SPTLC3: variants seen among roughly 807,000 people sequenced by gnomAD.
SPTLC3 encodes the protein serine palmitoyltransferase 3.
In SPTLC3, 36 loss-of-function variants were observed where a neutral mutation model predicts 59.3. That is an observed-to-expected ratio of 0.61 (90% CI 0.47 to 0.80). The LOEUF is 0.80. Among genes scored for constraint, SPTLC3 ranks in the 30% least tolerant of loss-of-function variants. The pLI, the probability that SPTLC3 is intolerant of heterozygous loss-of-function variation, is 0.00. For missense variants in SPTLC3, 625 were observed against 685.1 expected, an observed-to-expected ratio of 0.91 and a Z score of 0.98; for synonymous variants, 257 against 240.8, an observed-to-expected ratio of 1.07 and a Z score of -0.62.
At chr20:13,144,507 G>C (rs2038459820) in intron 9 of SPTLC3, among the ~76,000 whole-genome samples, 1 of 152,208 alleles carries the variant, frequency 6.6e-6, no homozygotes. Flanking sequence ...TATAGATATA[G>C]AGGCAGATAG....
chr20:13,142,348 GGAGTGGT>G (rs1395796162), intron 9 of SPTLC3, among the ~76,000 whole-genome samples: 1 of 152,172 alleles, frequency 6.6e-6, no homozygotes, highest in Non-Finnish European at 1.5e-5. Flanking sequence ...CTGAGATGGG[GGAGTGGT>G]GATGTAATAC....
intron 6 of SPTLC3, among the ~76,000 whole-genome samples, chr20:13,105,859 T>G (rs939424429): frequency 2.0e-5 from 3 of 152,162 alleles, no homozygotes; most frequent in African/African-American, 7.2e-5. Context: ...TAAAATATTA[T>G]AGACATAATA....
chr20:13,023,835 A>G (rs1411979261), intron 1 of SPTLC3, among the ~76,000 whole-genome samples: 1 of 152,184 alleles, frequency 6.6e-6, no homozygotes, highest in Admixed American at 6.5e-5. Context: ...GAAATAAAAT[A>G]TTATTAATTC....
chr20:13,098,895 A>G (rs548057081), intron 6 of SPTLC3, among the ~76,000 whole-genome samples: 15 of 152,268 alleles, frequency 9.9e-5, no homozygotes, highest in Admixed American at 2.6e-4. Context: ...GCCCTTCCCA[A>G]CTAATTGAGA....
chr20:13,036,607 G>C lies in SPTLC3; in HGVS notation c.118-12338G>C, dbSNP rs573031487. 9.2e-5 allele frequency among the ~76,000 whole-genome samples: 14 copies of C among 152,154 alleles called. No individual in the cohort carries two copies. In the East Asian group the frequency reaches 2.7e-3, roughly 29 times the overall value. ...GTAGGCTATTAGCAGTTAAGTTTTT[G>C]GAAAGTTTAAAGTTACACATAGATT... On this transcript the variant is annotated intron_variant, in intron 1 of 11. Coordinates refer to ENST00000399002, the MANE Select transcript of SPTLC3 (RefSeq NM_018327.4).
intron 2 of SPTLC3, 196 bp downstream of exon 2, chr20:13,049,326 G>A: frequency 1.7e-6 from 1 of 589,692 alleles, no homozygotes; most frequent in Non-Finnish European, 3.1e-6. Flanking sequence ...CATCTCATGG[G>A]CAACTACTAT....
chr20:13,117,325 A>G (rs1281582658), intron 7 of SPTLC3, among the ~76,000 whole-genome samples, 181 bp from the exon 8 acceptor site: 2 of 152,258 alleles, frequency 1.3e-5, no homozygotes, highest in Admixed American at 6.5e-5. Flanking sequence ...TCCAAGTAGC[A>G]TAGAAATGCC....
intron 2 of SPTLC3, among the ~76,000 whole-genome samples, chr20:13,062,234 C>T (rs190117174): frequency 2.6e-5 from 4 of 152,282 alleles, no homozygotes; most frequent in African/African-American, 9.6e-5. Flanking sequence ...AGGCTTGGAT[C>T]TAAATATCTT....
chr20:13,091,246 T>C (rs745376961), intron 5 of SPTLC3, 39 bp downstream of exon 5: 1 of 1,602,864 alleles, frequency 6.2e-7, no homozygotes, highest in South Asian at 1.1e-5. Flanking sequence ...ACTGTATTAC[T>C]CCTAAGAACT....
intron 4 of SPTLC3, among the ~76,000 whole-genome samples, chr20:13,089,468 G>T (rs1989130991): frequency 6.6e-6 from 1 of 151,336 alleles, no homozygotes; most frequent in Non-Finnish European, 1.5e-5. Context: ...GCAGACTATT[G>T]CCATTTAAAT....
intron 5 of SPTLC3, among the ~76,000 whole-genome samples, chr20:13,093,142 G>A (rs1361304493): frequency 6.6e-6 from 1 of 152,142 alleles, no homozygotes; most frequent in Non-Finnish European, 1.5e-5. Flanking sequence ...GCCCCTACAA[G>A]TTCATAACCC....
At chr20:13,064,225 C>T (rs1349497152) in intron 2 of SPTLC3, among the ~76,000 whole-genome samples, 1 of 150,546 alleles carries the variant, frequency 6.6e-6, no homozygotes, top group Non-Finnish European at 1.5e-5. Flanking sequence ...CTAATAATTT[C>T]CCCAGTATCA....
At chr20:13,164,433 T>G in intron 11 of SPTLC3, 1 of 492,780 alleles carries the variant, frequency 2.0e-6, no homozygotes, top group South Asian at 1.6e-5. Context: ...AGACTACATA[T>G]AAGTCACTAC....
At chr20:13,077,434 T>C (rs1988687108) in intron 4 of SPTLC3, among the ~76,000 whole-genome samples, 1 of 152,084 alleles carries the variant, frequency 6.6e-6, no homozygotes, top group African/African-American at 2.4e-5. Flanking sequence ...AGACTTCACC[T>C]TTTTAAATCC....
chr20:13,067,125 A>G (rs1988253281), intron 2 of SPTLC3, among the ~76,000 whole-genome samples: 1 of 123,616 alleles, frequency 8.1e-6, no homozygotes, highest in African/African-American at 3.2e-5. Context: ...ACCTATCTTG[A>G]GTGACTGTAG....
At chr20:13,054,222 T>A (rs1327592829) in intron 2 of SPTLC3, among the ~76,000 whole-genome samples, 3 of 152,174 alleles carry the variant, frequency 2.0e-5, no homozygotes, top group African/African-American at 7.2e-5. Context: ...TGGGAGTATG[T>A]GGGCAGAAAG....
intron 9 of SPTLC3, among the ~76,000 whole-genome samples, chr20:13,136,738 T>G (rs56744598): frequency 0.021 from 3,135 of 147,836 alleles, 92 homozygotes; most frequent in African/African-American, 0.073. Context: ...AAAAGTTATA[T>G]ATATAATATA....
intron 1 of SPTLC3, among the ~76,000 whole-genome samples, chr20:13,017,848 G>A (rs1360860363): frequency 2.0e-5 from 3 of 152,136 alleles, no homozygotes; most frequent in Non-Finnish European, 2.9e-5. Flanking sequence ...GACCAAAAAC[G>A]TGATGGAAGG....
chr20:13,049,880 G>A (rs948024906), intron 2 of SPTLC3: 4 of 152,072 alleles, frequency 2.6e-5, no homozygotes, highest in African/African-American at 9.7e-5. Context: ...CTCACAGGAA[G>A]CCACATCCAT....
Sources: gnomAD v4.1 joint callset for allele counts (sites outside exome capture counted in the v4.1 genomes callset) on GRCh38, gnomAD v4.1.1 for gene constraint, MANE v1.5 for transcripts, NCBI Gene and HGNC (gene_info 2026-07-23, HGNC 2026-07-21) for gene names.